The following LOC128125822 variants were observed in gnomAD, a reference collection of about 807,000 sequenced individuals.
At chr6:63,580,084 G>T in the LOC128125822 span, 1 of 1,610,794 alleles carries the variant, frequency 6.2e-7, no homozygotes, top group Non-Finnish European at 8.5e-7. Context: ...TTAACAGCAA[G>T]CAACTTCTGT....
At chr6:63,575,529 A>G in the LOC128125822 span, among the ~76,000 whole-genome samples, 1 of 152,144 alleles carries the variant, frequency 6.6e-6, no homozygotes, top group Non-Finnish European at 1.5e-5. Context: ...ATATTTGTTT[A>G]TATTTATTGG....
the LOC128125822 span, among the ~76,000 whole-genome samples, chr6:63,573,049 C>T: frequency 2.0e-5 from 3 of 152,066 alleles, no homozygotes; most frequent in African/African-American, 7.2e-5. Context: ...GCTTCCGCAG[C>T]GGGCCGGGTG....
chr6:63,581,999 G>A, the LOC128125822 span: 1 of 152,082 alleles, frequency 6.6e-6, no homozygotes, highest in Non-Finnish European at 1.5e-5. Context: ...TAAGTAAAAA[G>A]TGATACTCCA....
chr6:63,581,232 T>G, the LOC128125822 span: 2 of 152,568 alleles, frequency 1.3e-5, no homozygotes, highest in Admixed American at 1.3e-4. Context: ...TATATGCCTT[T>G]TGAGCTGTGT....
At chr6:63,579,181 G>A in the LOC128125822 span, 1 of 1,469,370 alleles carries the variant, frequency 6.8e-7, no homozygotes, top group Non-Finnish European at 9.3e-7. Flanking sequence ...CTTCTGAGTT[G>A]GGGAATGTTT....
the LOC128125822 span, chr6:63,576,963 C>T: frequency 5.0e-6 from 8 of 1,612,168 alleles, no homozygotes; most frequent in South Asian, 2.2e-5. Flanking sequence ...CCAACCAATG[C>T]GACCTTAAAC....
chr6:63,580,238 T>C, the LOC128125822 span: 1 of 1,282,608 alleles, frequency 7.8e-7, no homozygotes. Flanking sequence ...TTATACATAT[T>C]AGCCAACATG....
chr6:63,581,885 C>T, the LOC128125822 span: 2 of 152,034 alleles, frequency 1.3e-5, no homozygotes, highest in Non-Finnish European at 2.9e-5. Flanking sequence ...GTTAAGTTTC[C>T]TTTAATGATC....
the LOC128125822 span, chr6:63,572,748 G>T: frequency 2.5e-6 from 1 of 398,306 alleles, no homozygotes; most frequent in Non-Finnish European, 4.4e-6. Flanking sequence ...GTCGCCTCTC[G>T]GGCTGGGAAT....
At chr6:63,578,390 G>A in the LOC128125822 span, 1 of 1,569,390 alleles carries the variant, frequency 6.4e-7, no homozygotes, top group Admixed American at 2.0e-5. Context: ...TTGAGTTATA[G>A]TGATGTGGTT....
chr6:63,575,802 T>G, the LOC128125822 span, among the ~76,000 whole-genome samples: 1 of 152,116 alleles, frequency 6.6e-6, no homozygotes, highest in Non-Finnish European at 1.5e-5. Flanking sequence ...CGTCTTCAGT[T>G]TAATGGGAAT....
chr6:63,581,586 T>TAAAAG, the LOC128125822 span: 1 of 152,176 alleles, frequency 6.6e-6, no homozygotes, highest in Admixed American at 6.5e-5. Flanking sequence ...TTTAGTAAAC[T>TAAAAG]TTTAGACAAA....
chr6:63,578,981 A>C, the LOC128125822 span: 1 of 1,608,324 alleles, frequency 6.2e-7, no homozygotes, highest in African/African-American at 1.3e-5. Context: ...AGTTTCGTGA[A>C]GAACCTGGTT....
chr6:63,580,257 G>C, the LOC128125822 span: 144 of 1,157,584 alleles, frequency 1.2e-4, no homozygotes, highest in Admixed American at 3.9e-4. Context: ...TGTTGGCTTA[G>C]TAAGTCTAAT....
chr6:63,575,290 A>C, the LOC128125822 span, among the ~76,000 whole-genome samples: 1 of 152,206 alleles, frequency 6.6e-6, no homozygotes, highest in African/African-American at 2.4e-5. Flanking sequence ...GGCAGTGACT[A>C]TGAATTACTG....
the LOC128125822 span, among the ~76,000 whole-genome samples, chr6:63,575,737 A>G: frequency 1.3e-5 from 2 of 152,202 alleles, no homozygotes; most frequent in Admixed American, 1.3e-4. Flanking sequence ...ATTCATAAGC[A>G]TACATTCTTA....
chr6:63,575,467 TA>T, the LOC128125822 span, among the ~76,000 whole-genome samples: 1 of 152,194 alleles, frequency 6.6e-6, no homozygotes, highest in Non-Finnish European at 1.5e-5. Flanking sequence ...GATATTGGCA[TA>T]AAAATGGTTT....
At chr6:63,576,721 A>G in the LOC128125822 span, 3 of 625,636 alleles carry the variant, frequency 4.8e-6, no homozygotes, top group South Asian at 6.2e-5. Flanking sequence ...TCTTGTTAGG[A>G]GGTTCATTTC....
the LOC128125822 span, chr6:63,581,052 T>C: frequency 6.6e-6 from 1 of 152,212 alleles, no homozygotes; most frequent in Non-Finnish European, 1.5e-5. Context: ...TGCTTTGTTA[T>C]TGTAATCATA....
Sources: allele counts gnomAD v4.1 joint callset (sites outside exome capture counted in the v4.1 genomes callset), GRCh38; gene constraint gnomAD v4.1.1; transcripts MANE v1.5.